ULK4: variants seen among roughly 807,000 people sequenced by gnomAD.
ULK4 encodes unc-51 like kinase 4.
In ULK4, 133 loss-of-function variants were observed where a neutral mutation model predicts 160.6. The observed-to-expected ratio is 0.83, with a 90% CI of 0.72 to 0.96. The LOEUF (loss-of-function observed/expected upper bound fraction) is 0.96. ULK4 is among the 40% of genes least tolerant of loss of function. ULK4 has a pLI of 0.00. For missense variants in ULK4, 1,580 were observed against 1,499.5 expected (o/e 1.05, Z -0.89); for synonymous variants, 534 against 539.8 (o/e 0.99, Z 0.15).
At chr3:41,626,558 C>T (rs372295934) in intron 30 of ULK4, among the ~76,000 whole-genome samples, 114 of 143,526 alleles carry the variant, frequency 7.9e-4, no homozygotes, top group African/African-American at 2.9e-3. Context: ...GATGGAGTCT[C>T]GCTGTCACCC....
At chr3:41,317,499 T>C (rs553797915) in intron 35 of ULK4, among the ~76,000 whole-genome samples, 38 of 152,326 alleles carry the variant, frequency 2.5e-4, no homozygotes, top group African/African-American at 3.8e-4. Flanking sequence ...TTGATAACGA[T>C]TGATAATGAT....
At chr3:41,387,576 A>G (rs982281022) in intron 35 of ULK4, among the ~76,000 whole-genome samples, 6 of 152,040 alleles carry the variant, frequency 3.9e-5, no homozygotes, top group African/African-American at 1.4e-4. Context: ...TCCTGTGTCC[A>G]TGTGCTCTCA....
chr3:41,704,798 A>G (rs995378506), intron 27 of ULK4, among the ~76,000 whole-genome samples: 1 of 152,146 alleles, frequency 6.6e-6, no homozygotes, highest in African/African-American at 2.4e-5. Flanking sequence ...ACCAGTTGCA[A>G]CAAATAATCA....
chr3:41,503,789 A>G (rs1196404070), intron 32 of ULK4, among the ~76,000 whole-genome samples: 1 of 152,208 alleles, frequency 6.6e-6, no homozygotes, highest in Non-Finnish European at 1.5e-5. Context: ...ATGATATAAA[A>G]CAATACTCTC....
chr3:41,803,688 A>T (rs2040543091), intron 19 of ULK4, among the ~76,000 whole-genome samples: 1 of 151,528 alleles, frequency 6.6e-6, no homozygotes, highest in South Asian at 2.1e-4. Flanking sequence ...TCCTGTGTCC[A>T]TGTGTTCTCA....
chr3:41,265,971 G>C (rs560624179), intron 35 of ULK4, among the ~76,000 whole-genome samples: 5 of 152,192 alleles, frequency 3.3e-5, no homozygotes, highest in African/African-American at 1.2e-4. Context: ...CCCCTGCTCT[G>C]GGTGAATCAG....
chr3:41,754,812 C>G (rs1218273339), intron 21 of ULK4, among the ~76,000 whole-genome samples: 1 of 152,186 alleles, frequency 6.6e-6, no homozygotes, highest in Admixed American at 6.5e-5. Context: ...CTGTTAACTA[C>G]TCAATCACAC....
chr3:41,278,757 C>T (rs1045199911), intron 35 of ULK4, among the ~76,000 whole-genome samples: 2 of 152,136 alleles, frequency 1.3e-5, no homozygotes, highest in Non-Finnish European at 2.9e-5. Context: ...TCAACATCAA[C>T]AAAAAGGACA....
intron 32 of ULK4, among the ~76,000 whole-genome samples, chr3:41,495,776 A>G (rs2084965995): frequency 6.6e-6 from 1 of 151,916 alleles, no homozygotes; most frequent in Admixed American, 6.6e-5. Flanking sequence ...AAGGATATGA[A>G]CAGACACTTC....
At chr3:41,676,990 C>T (rs1448180918) in intron 29 of ULK4, among the ~76,000 whole-genome samples, 4 of 146,036 alleles carry the variant, frequency 2.7e-5, no homozygotes, top group African/African-American at 5.2e-5. Flanking sequence ...ACCATATCCT[C>T]GACACCCCTG....
At chr3:41,390,662 T>G (rs983274614) in intron 35 of ULK4, among the ~76,000 whole-genome samples, 2 of 151,914 alleles carry the variant, frequency 1.3e-5, no homozygotes, top group Non-Finnish European at 2.9e-5. Context: ...TCAGTTTCCA[T>G]GTAGTTGAGC....
chr3:41,881,206 G>A (rs1351191023), intron 17 of ULK4, among the ~76,000 whole-genome samples: 1 of 148,044 alleles, frequency 6.8e-6, no homozygotes, highest in Non-Finnish European at 1.5e-5. Context: ...GACTATAATG[G>A]TTTTCATTCA....
intron 32 of ULK4, among the ~76,000 whole-genome samples, chr3:41,537,968 A>T (rs766957650): frequency 6.6e-6 from 1 of 151,564 alleles, no homozygotes; most frequent in Non-Finnish European, 1.5e-5. Context: ...GGCATTAAAA[A>T]CCTGTTCAGG....
intron 22 of ULK4, among the ~76,000 whole-genome samples, chr3:41,736,536 GT>G (rs1213481813): frequency 6.6e-6 from 1 of 151,880 alleles, no homozygotes; most frequent in Non-Finnish European, 1.5e-5. Context: ...TTGTGATGGG[GT>G]TGTTTGGTTT....
chr3:41,954,373 A>G (rs1192884892), intron 2 of ULK4, among the ~76,000 whole-genome samples: 1 of 148,460 alleles, frequency 6.7e-6, no homozygotes, highest in South Asian at 2.2e-4. Context: ...AAAAAAGAGT[A>G]TAGTTTCCCC....
At chr3:41,350,260 G>T (rs1473801589) in intron 35 of ULK4, among the ~76,000 whole-genome samples, 1 of 152,114 alleles carries the variant, frequency 6.6e-6, no homozygotes, top group Non-Finnish European at 1.5e-5. Flanking sequence ...TTTTGTTCTT[G>T]TATTTTGAGT....
intron 2 of ULK4, among the ~76,000 whole-genome samples, chr3:41,945,465 A>G (rs1200899378): frequency 6.6e-6 from 1 of 151,528 alleles, no homozygotes; most frequent in East Asian, 1.9e-4. Flanking sequence ...AGTTACCCAC[A>G]CTCTCCAGCT....
chr3:41,803,466 T>G (rs1182771185), intron 19 of ULK4, among the ~76,000 whole-genome samples: 2 of 152,118 alleles, frequency 1.3e-5, no homozygotes, highest in African/African-American at 4.8e-5. Context: ...CACGTTGCAG[T>G]AGGCAAAGCT....
chr3:41,488,114 G>A (rs901636733), intron 32 of ULK4, among the ~76,000 whole-genome samples: 3 of 152,190 alleles, frequency 2.0e-5, no homozygotes, highest in African/African-American at 7.2e-5. Context: ...TTACATCTAT[G>A]ACATAAAATA....
Sources: gnomAD v4.1 joint callset for allele counts (sites outside exome capture counted in the v4.1 genomes callset) on GRCh38, gnomAD v4.1.1 for gene constraint, MANE v1.5 for transcripts, NCBI Gene and HGNC (gene_info 2026-07-23, HGNC 2026-07-21) for gene names.